The following ARHGEF10L variants were observed in gnomAD, a reference collection of about 807,000 sequenced individuals.
The protein encoded by ARHGEF10L is rho guanine nucleotide exchange factor 10-like protein.
Under a neutral mutation model 141.2 loss-of-function variants are expected in ARHGEF10L, and 69 were observed. The ratio of observed to expected loss-of-function variants is 0.49; its 90% CI spans 0.40 to 0.60. The LOEUF (loss-of-function observed/expected upper bound fraction) is 0.60. ARHGEF10L is among the 20% of genes least tolerant of loss of function. The pLI, the probability that ARHGEF10L is intolerant of heterozygous loss-of-function variation, is 0.00. For missense variants in ARHGEF10L, 1,482 were observed against 1,734.3 expected (o/e 0.85, Z 2.58); for synonymous variants, 711 against 718.5 (o/e 0.99, Z 0.17).
chr1:17,633,061 G>A (rs946517201), intron 16 of ARHGEF10L, among the ~76,000 whole-genome samples: 1 of 152,220 alleles, frequency 6.6e-6, no homozygotes, highest in Non-Finnish European at 1.5e-5. Context: ...TTAGGCTCCT[G>A]GGTATCTTAT....
At chr1:17,676,477 T>G (rs943991612) in intron 26 of ARHGEF10L, among the ~76,000 whole-genome samples, 14 of 151,152 alleles carry the variant, frequency 9.3e-5, no homozygotes, top group African/African-American at 3.4e-4. Context: ...GCCAGGTGAG[T>G]TGTCTGGATT....
chr1:17,675,431 G>T (rs532675248), intron 26 of ARHGEF10L, among the ~76,000 whole-genome samples: 160 of 152,266 alleles, frequency 1.1e-3, no homozygotes, highest in African/African-American at 3.7e-3. Context: ...GCACGTATGG[G>T]TGCAGGTGTG....
At chr1:17,567,837 A>G (rs1184635689) in intron 1 of ARHGEF10L, among the ~76,000 whole-genome samples, 1 of 152,216 alleles carries the variant, frequency 6.6e-6, no homozygotes, top group African/African-American at 2.4e-5. Flanking sequence ...GGCACCATGC[A>G]CAGAGCTTGG....
chr1:17,573,682 G>T lies in ARHGEF10L; in HGVS notation c.-43-6871G>T, dbSNP rs1180144150. 6.6e-6 allele frequency among the ~76,000 whole-genome samples: 1 copy of T among 152,024 alleles called. No individual in the cohort carries two copies. The highest frequency in any genetic ancestry group is 1.9e-4 in the East Asian group (1 of 5,156). On this transcript the variant is annotated intron_variant, in intron 1 of 28. Transcript: ENST00000361221. The surrounding 1 kb of genome is among the most constrained non-coding windows in gnomAD (Gnocchi z 4.8). ...CAGCCACTTCTCCAGGCTGGCTCTG[G>T]TTTCCCAGGCAACAGCCCCCAGGGG...
At chr1:17,633,372 C>T (rs1349946627) in intron 16 of ARHGEF10L, among the ~76,000 whole-genome samples, 4 of 152,184 alleles carry the variant, frequency 2.6e-5, no homozygotes, top group African/African-American at 9.7e-5. Context: ...GAGATGGAAT[C>T]TTGCTCTGTC....
In ARHGEF10L at chr1:17,634,849, T is replaced by C. The variant is rs376615971; in HGVS notation, c.1760T>C (p.Ile587Thr). The C allele has an allele frequency of 1.9e-6, 3 of 1,613,338 alleles. No individual in the cohort carries two copies. Among genetic ancestry groups the C allele is most frequent in the Non-Finnish European group, 2.5e-6 (3 of 1,179,652 alleles). The part of the protein sequence containing the change: ...KPANHRGQLE[I>T]SSLVPLGPKY... ...TGTTCCAACAGGGGCCAGCTGGAGA[T>C]CAGCAGCCTGGTGCCCCTGGGGCCC... Residue 587 changes from isoleucine to threonine, a missense_variant, in exon 18 of 29, where the codon ATC becomes ACC. Physicochemically the swap from Ile to Thr is moderately conservative, Grantham distance 89 (BLOSUM62 -1). This residue lies in a region of ARHGEF10L where 858 missense variants were observed against 966.3 expected (regional missense o/e 0.89). Coordinates refer to ENST00000361221, the MANE Select transcript of ARHGEF10L (RefSeq NM_018125.4).
chr1:17,598,304 A>C (rs1043250430), intron 4 of ARHGEF10L, among the ~76,000 whole-genome samples: 15 of 152,118 alleles, frequency 9.9e-5, no homozygotes, highest in African/African-American at 2.9e-4. Context: ...GTTTCACCAT[A>C]TTGGCCAGGC....
In ARHGEF10L at chr1:17,697,146, G is replaced by A; in HGVS notation, c.3606G>A (p.Glu1202=). 1 of 1,611,680 alleles carries A rather than the reference G, an allele frequency of 6.2e-7. No individual in the cohort carries two copies. Among genetic ancestry groups the A allele is most frequent in the Non-Finnish European group, 8.5e-7 (1 of 1,179,352 alleles). ...EPAPADGAAL[E]HSEEDGSIYE... is the part of the protein sequence containing the mutation. ...CGCCTGCTGATGGCGCAGCTTTGGA[G>A]CACAGCGAGGAGGACGGCTCCATTT... Residue 1202 remains glutamate, a synonymous_variant, in exon 29 of 29, where the codon GAG becomes GAA. Transcript: ENST00000361221. This position sits in a 1 kb window ranked among gnomAD's most constrained non-coding sequence, Gnocchi z 4.8.
chr1:17,564,539 T>C (rs536014659), intron 1 of ARHGEF10L, among the ~76,000 whole-genome samples: 3 of 152,320 alleles, frequency 2.0e-5, no homozygotes, highest in South Asian at 2.1e-4. Context: ...GGTGGCTGGC[T>C]CGTGGCTGAG....
chr1:17,684,681 G>A (rs182483568), intron 26 of ARHGEF10L, among the ~76,000 whole-genome samples: 3 of 152,264 alleles, frequency 2.0e-5, no homozygotes, highest in Admixed American at 6.5e-5. Context: ...TGGAGACACC[G>A]CACCCCTGCC....
chr1:17,556,177 G>C (rs1482744605), intron 1 of ARHGEF10L, among the ~76,000 whole-genome samples: 1 of 123,660 alleles, frequency 8.1e-6, no homozygotes, highest in African/African-American at 3.1e-5. Flanking sequence ...ATTGGGGGAG[G>C]CTGGGAGCCC....
chr1:17,569,688 C>G (rs1018770025), intron 1 of ARHGEF10L, among the ~76,000 whole-genome samples: 4 of 152,152 alleles, frequency 2.6e-5, no homozygotes, highest in African/African-American at 7.2e-5. Flanking sequence ...CGGTGCCCAG[C>G]CTTGCTCCTT....
intron 25 of ARHGEF10L, among the ~76,000 whole-genome samples, chr1:17,657,527 C>T (rs2062346022): frequency 6.6e-6 from 1 of 152,220 alleles, no homozygotes; most frequent in Admixed American, 6.5e-5. Context: ...GTCTCTTCTC[C>T]CCTGCCTTTT....
At chr1:17,588,903 GGGGGAGGTTGGGGGGGTT>G (rs1557758250) in intron 4 of ARHGEF10L, among the ~76,000 whole-genome samples, 3 of 37,736 alleles carry the variant, frequency 7.9e-5, no homozygotes, top group Non-Finnish European at 1.6e-4. Context: ...TGTGTGTAGT[GGGGGAGGTTGGGGGGGTT>G]TGAGGGTGGG....
intron 26 of ARHGEF10L, among the ~76,000 whole-genome samples, chr1:17,667,764 C>T (rs1477809499): frequency 2.0e-5 from 3 of 152,190 alleles, no homozygotes; most frequent in Admixed American, 1.3e-4. Context: ...AGAGCTGCCC[C>T]TGTGAGCTGG....
At chr1:17,647,476 G>T (rs958149656) in intron 21 of ARHGEF10L, among the ~76,000 whole-genome samples, 1 of 152,182 alleles carries the variant, frequency 6.6e-6, no homozygotes, top group Admixed American at 6.5e-5. Context: ...TGTAAAGAAG[G>T]AAGGGATCCT....
At chr1:17,651,037 C>T (rs763291820) in intron 22 of ARHGEF10L, among the ~76,000 whole-genome samples, 1 of 152,176 alleles carries the variant, frequency 6.6e-6, no homozygotes, top group Non-Finnish European at 1.5e-5. Flanking sequence ...GAGCCAGGGT[C>T]GTGCAAGTGT....
intron 26 of ARHGEF10L, among the ~76,000 whole-genome samples, chr1:17,676,671 C>A (rs2102360158): frequency 6.6e-6 from 1 of 152,102 alleles, no homozygotes; most frequent in East Asian, 1.9e-4. Context: ...GACCCTGCAT[C>A]AGAACTATCC....
At chr1:17,574,892 G>A (rs2078158958) in intron 1 of ARHGEF10L, among the ~76,000 whole-genome samples, 1 of 152,136 alleles carries the variant, frequency 6.6e-6, no homozygotes, top group Admixed American at 6.5e-5. Flanking sequence ...TTCCTTCCGG[G>A]CCCCGGGCTT....
Sources: allele counts gnomAD v4.1 joint callset (sites outside exome capture counted in the v4.1 genomes callset), GRCh38; gene constraint gnomAD v4.1.1; regional missense constraint gnomAD v4.1.1; non-coding constraint Gnocchi (gnomAD v3.1); transcripts MANE v1.5; gene names NCBI Gene and HGNC (gene_info 2026-07-23, HGNC 2026-07-21).